The following CACNB2 variants were observed in gnomAD, a reference collection of about 807,000 sequenced individuals.
CACNB2 encodes the protein calcium voltage-gated channel auxiliary subunit beta 2.
A neutral mutation model predicts 73.3 loss-of-function variants in CACNB2; 42 were observed. That is an observed-to-expected ratio of 0.57 (90% confidence interval 0.45 to 0.74). CACNB2 has a LOEUF of 0.74. CACNB2 is among the 30% of genes least tolerant of loss of function. CACNB2 has a pLI of 0.00. For missense variants in CACNB2, 940 were observed against 853.0 expected, an observed-to-expected ratio of 1.10 and a Z score of -1.27; for synonymous variants, 348 against 310.3, an observed-to-expected ratio of 1.12 and a Z score of -1.28.
At chr10:18,440,232 A>G (rs1210254105) in intron 3 of CACNB2, among the ~76,000 whole-genome samples, 1 of 151,134 alleles carries the variant, frequency 6.6e-6, no homozygotes, top group Non-Finnish European at 1.5e-5. Context: ...CACACTCATG[A>G]CCTAACTACC....
intron 12 of CACNB2, 107 bp downstream of exon 12, chr10:18,536,303 G>A (rs1269905340): frequency 1.6e-6 from 1 of 617,882 alleles, no homozygotes; most frequent in African/African-American, 2.4e-5. Context: ...TGTTGCCCAT[G>A]TTGGGAGTGC....
At chr10:18,251,910 T>C (rs2037107352) in intron 2 of CACNB2, among the ~76,000 whole-genome samples, 1 of 152,042 alleles carries the variant, frequency 6.6e-6, no homozygotes, top group Non-Finnish European at 1.5e-5. Context: ...CCCCCAACAC[T>C]GGGTGTTACA....
chr10:18,522,465 C>CT (rs2051996716), intron 9 of CACNB2, among the ~76,000 whole-genome samples: 1 of 152,102 alleles, frequency 6.6e-6, no homozygotes, highest in Non-Finnish European at 1.5e-5. Flanking sequence ...AGATTTCTTA[C>CT]TATAGTACTT....
chr10:18,355,665 C>T (rs1313017408), intron 2 of CACNB2, among the ~76,000 whole-genome samples: 1 of 146,682 alleles, frequency 6.8e-6, no homozygotes, highest in South Asian at 2.2e-4. Flanking sequence ...GAGACAGAGT[C>T]TTGCTCTGTC....
intron 2 of CACNB2, among the ~76,000 whole-genome samples, chr10:18,300,755 A>C (rs1189279159): frequency 1.3e-5 from 2 of 152,132 alleles, no homozygotes. Context: ...AGGCTGAGGT[A>C]TGAGAATTGC....
chr10:18,215,117 C>T (rs150981838), intron 2 of CACNB2, among the ~76,000 whole-genome samples: 113 of 152,270 alleles, frequency 7.4e-4, no homozygotes, highest in African/African-American at 2.6e-3. Context: ...TTTCCCTTCA[C>T]GGAGATTCCC....
intron 2 of CACNB2, among the ~76,000 whole-genome samples, chr10:18,349,860 A>G (rs2041632524): frequency 6.6e-6 from 1 of 152,240 alleles, no homozygotes; most frequent in East Asian, 1.9e-4. Flanking sequence ...TTTTGTCACA[A>G]TGCTTAAAAT....
intron 1 of CACNB2, among the ~76,000 whole-genome samples, chr10:18,149,302 G>A (rs1419392318): frequency 2.0e-5 from 3 of 152,124 alleles, no homozygotes; most frequent in East Asian, 3.8e-4. Flanking sequence ...TTAAAAGAAT[G>A]TTATTTTTCA....
chr10:18,235,122 G>A (rs1449488538), intron 2 of CACNB2, among the ~76,000 whole-genome samples: 3 of 145,186 alleles, frequency 2.1e-5, no homozygotes, highest in Non-Finnish European at 4.5e-5. Flanking sequence ...CAGCCTGGGC[G>A]ACAGAGCGAG....
intron 2 of CACNB2, among the ~76,000 whole-genome samples, chr10:18,239,183 T>C (rs190007684): frequency 5.5e-4 from 83 of 152,290 alleles, no homozygotes; most frequent in Admixed American, 1.3e-3. Flanking sequence ...TTTTTATATA[T>C]TTAGCAGGTA....
intron 2 of CACNB2, among the ~76,000 whole-genome samples, chr10:18,178,050 A>G (rs573405994): frequency 2.0e-5 from 3 of 152,262 alleles, no homozygotes; most frequent in Admixed American, 1.3e-4. Flanking sequence ...ATTGCAGAAT[A>G]GTGGTGTCTC....
chr10:18,175,072 A>G (rs529923686), intron 2 of CACNB2, among the ~76,000 whole-genome samples: 3 of 152,334 alleles, frequency 2.0e-5, no homozygotes, highest in Admixed American at 2.0e-4. Context: ...CATGTGGCTG[A>G]CGAGAATTGA....
intron 9 of CACNB2, among the ~76,000 whole-genome samples, chr10:18,521,829 GCTTCT>G (rs1159880565): frequency 1.3e-5 from 2 of 152,204 alleles, no homozygotes; most frequent in African/African-American, 4.8e-5. Context: ...TAAATGCAGT[GCTTCT>G]CTTCTCCACA....
Position 18,401,945 on chromosome 10 carries a change from A to T in CACNB2, c.235A>T (p.Ser79Cys), listed in dbSNP as rs1488891029. 1 of 1,614,066 alleles carries T rather than the reference A, an allele frequency of 6.2e-7. No homozygotes were observed. Among genetic ancestry groups the T allele is most frequent in the Non-Finnish European group, 8.5e-7 (1 of 1,179,904 alleles). Residue 79 changes from serine (S) to cysteine (C), a missense_variant, in exon 3 of 14, where the codon AGC becomes TGC. Transcript: ENST00000324631. ...VRQGSADSYT[S>C]RPSDSDVSLE... ...CCAGGGTTCGGCAGACTCCTACACT[A>T]GCCGTCCATCCGATTCCGATGTATC...
chr10:18,456,041 G>T (rs1415639359), intron 3 of CACNB2, among the ~76,000 whole-genome samples: 1 of 152,162 alleles, frequency 6.6e-6, no homozygotes, highest in Non-Finnish European at 1.5e-5. Flanking sequence ...CTACATGCTT[G>T]CCTTTTTTTC....
chr10:18,155,188 T>C (rs923778188), intron 2 of CACNB2, among the ~76,000 whole-genome samples: 3 of 152,222 alleles, frequency 2.0e-5, no homozygotes, highest in African/African-American at 7.2e-5. Flanking sequence ...TGTCCCCTTT[T>C]GGACCTTTCT....
At chr10:18,473,836 G>T (rs1216455032) in intron 3 of CACNB2, among the ~76,000 whole-genome samples, 2 of 152,074 alleles carry the variant, frequency 1.3e-5, no homozygotes, top group African/African-American at 2.4e-5. Flanking sequence ...ATTCCCTAAG[G>T]TTTCAATAGG....
intron 6 of CACNB2, chr10:18,513,101 C>CTTT (rs71402179): frequency 0.52 from 59,691 of 113,730 alleles, 15,949 homozygotes; most frequent in East Asian, 0.9. Flanking sequence ...TGACCATAAC[C>CTTT]TTTTTTTTTT....
intron 2 of CACNB2, among the ~76,000 whole-genome samples, chr10:18,318,062 T>C (rs1489233874): frequency 1.3e-5 from 2 of 152,178 alleles, no homozygotes; most frequent in Admixed American, 6.5e-5. Context: ...AAGTAATTTA[T>C]AGATTCAATA....
Sources: gnomAD v4.1 joint callset for allele counts (sites outside exome capture counted in the v4.1 genomes callset) on GRCh38, gnomAD v4.1.1 for gene constraint, MANE v1.5 for transcripts, NCBI Gene and HGNC (gene_info 2026-07-23, HGNC 2026-07-21) for gene names.